Variants in ADAM32 observed in about 807,000 individuals in gnomAD.
ADAM32 encodes ADAM metallopeptidase domain 32.
In ADAM32, 89 loss-of-function variants were observed where a neutral mutation model predicts 114.9. The ratio of observed to expected loss-of-function variants is 0.77; its 90% CI spans 0.65 to 0.92. ADAM32 has a LOEUF of 0.92. Ranked by LOEUF, ADAM32 falls within the 40% of genes least tolerant of loss-of-function variation. The pLI is 0.00. For missense variants in ADAM32, 870 were observed against 932.8 expected, an observed-to-expected ratio of 0.93 and a Z score of 0.88; for synonymous variants, 285 against 307.5, an observed-to-expected ratio of 0.93 and a Z score of 0.77.
chr8:39,250,326 G>T (rs1446422152), intron 17 of ADAM32, among the ~76,000 whole-genome samples: 1 of 151,366 alleles, frequency 6.6e-6, no homozygotes, highest in Non-Finnish European at 1.5e-5. Flanking sequence ...CTCAAGCTCA[G>T]AGATCTTTTC....
At chr8:39,164,934 A>T (rs1804734641) in intron 8 of ADAM32, 96 bp from the exon 9 acceptor site, 5 of 1,488,134 alleles carry the variant, frequency 3.4e-6, no homozygotes, top group Non-Finnish European at 4.6e-6. Context: ...CCACCCATAT[A>T]AACTGAGTGT....
intron 19 of ADAM32, among the ~76,000 whole-genome samples, chr8:39,267,988 G>A (rs551215153): frequency 6.6e-6 from 1 of 152,228 alleles, no homozygotes; most frequent in East Asian, 1.9e-4. Flanking sequence ...TTGAAAGCAG[G>A]GTACAAAGGA....
In ADAM32 at chr8:39,205,717, G is replaced by A. The variant is rs563105184; in HGVS notation, c.1053-5427G>A. Among the ~76,000 whole-genome samples, 3 of 152,326 alleles carry A rather than the reference G, an allele frequency of 2.0e-5. No homozygotes were observed. The East Asian group carries it at 5.8e-4, about 29-fold the overall frequency. ...ATCACCCATCTTCTGCGTTGCTCAG[G>A]CTGTGAGCTGTAGACTGGAGCTGTT... On this transcript the variant is annotated intron_variant, in intron 11 of 24. Transcript: ENST00000379907.
chr8:39,188,484 G>A (rs1013046589), intron 11 of ADAM32, among the ~76,000 whole-genome samples: 1 of 152,014 alleles, frequency 6.6e-6, no homozygotes, highest in African/African-American at 2.4e-5. Context: ...AAGTATGCTA[G>A]GACAATGTTT....
intron 12 of ADAM32, among the ~76,000 whole-genome samples, chr8:39,218,574 A>G (rs1349589985): frequency 6.6e-6 from 1 of 151,916 alleles, no homozygotes; most frequent in East Asian, 1.9e-4. Flanking sequence ...TGGCATTCCA[A>G]CCACTTGACA....
chr8:39,181,241 C>T (rs999117913), intron 10 of ADAM32, among the ~76,000 whole-genome samples: 5 of 152,194 alleles, frequency 3.3e-5, no homozygotes, highest in African/African-American at 4.8e-5. Context: ...ACACTCACCA[C>T]GAAGATCTGC....
upstream of ADAM32, chr8:39,107,655 C>A (rs1235734430): frequency 2.0e-6 from 3 of 1,508,310 alleles, no homozygotes; most frequent in Non-Finnish European, 1.8e-6. Flanking sequence ...GTCTCCGGGG[C>A]CTCCGGAGAA....
At chr8:39,227,402 A>G (rs1488478530) in intron 14 of ADAM32, among the ~76,000 whole-genome samples, 1 of 152,140 alleles carries the variant, frequency 6.6e-6, no homozygotes, top group Non-Finnish European at 1.5e-5. Flanking sequence ...CCTGCCTGGC[A>G]CCACAGGGAT....
In ADAM32 at chr8:39,107,850, C is replaced by G; in HGVS notation, c.58+17C>G. 1.3e-6 allele frequency: 2 copies of G among 1,530,924 alleles called. No homozygotes were observed. The highest frequency in any genetic ancestry group is 4.2e-5 in the Admixed American group (2 of 47,784). 94.8% of individuals were successfully genotyped at this position (1,530,924 alleles called of 1,614,324 possible). Reference sequence around the variant, plus strand: ...CAAGACCCGGTGAGCCAGCCCAGACCCTGACACTAGTCCGGGCGCTCGTCA... The same window carrying G: ...CAAGACCCGGTGAGCCAGCCCAGACGCTGACACTAGTCCGGGCGCTCGTCA... On this transcript the variant is annotated intron_variant, in intron 1 of 24. Coordinates refer to ENST00000379907, the MANE Select transcript of ADAM32 (RefSeq NM_145004.7).
chr8:39,112,449 G>T (rs896485153), intron 1 of ADAM32, among the ~76,000 whole-genome samples: 5 of 152,002 alleles, frequency 3.3e-5, no homozygotes, highest in Non-Finnish European at 7.4e-5. Context: ...CCGTATTAAG[G>T]CTTCCCTTGG....
At chr8:39,139,161 C>G (rs1472934943) in intron 3 of ADAM32, among the ~76,000 whole-genome samples, 1 of 152,170 alleles carries the variant, frequency 6.6e-6, no homozygotes, top group Non-Finnish European at 1.5e-5. Flanking sequence ...TTTTGGTGTG[C>G]AGAAGCTCTT....
In ADAM32 at chr8:39,211,341, G is replaced by T; in HGVS notation, c.1233+17G>T. The T allele has an allele frequency of 6.9e-7, 1 of 1,440,830 alleles. No homozygotes were observed. Among genetic ancestry groups the T allele is most frequent in the East Asian group, 2.7e-5 (1 of 37,286 alleles). The allele number at this position is 1,440,830 out of a possible 1,614,324, so 89.3% of individuals were successfully genotyped here. A position where few individuals can be genotyped will look rare whatever the true frequency, so the allele number is the denominator to read the frequency against. The stretch of plus-strand genomic sequence containing the variant: ...ACTGAGGCTGTAAGTATGATAACTA[G>T]GAAAATTGATTAATAAATTTATTGT... On this transcript the variant is annotated intron_variant, in intron 12 of 24. Transcript: ENST00000379907.
At chr8:39,123,162 T>A (rs1801888034) in intron 2 of ADAM32, among the ~76,000 whole-genome samples, 1 of 152,142 alleles carries the variant, frequency 6.6e-6, no homozygotes, top group South Asian at 2.1e-4. Context: ...TAAATAAAAA[T>A]GTAAAGGTTT....
At chr8:39,146,024 G>A (rs992655490) in intron 3 of ADAM32, among the ~76,000 whole-genome samples, 1 of 152,068 alleles carries the variant, frequency 6.6e-6, no homozygotes, top group East Asian at 1.9e-4. Flanking sequence ...GAGCCACCCC[G>A]CCTGGCTGCT....
chr8:39,161,098 G>A (rs1804482048), intron 7 of ADAM32, 133 bp downstream of exon 7: 1 of 788,850 alleles, frequency 1.3e-6, no homozygotes, highest in Admixed American at 3.7e-5. Flanking sequence ...GGAAAAATGT[G>A]CAAACTGAGA....
intron 10 of ADAM32, among the ~76,000 whole-genome samples, chr8:39,181,411 A>G (rs1805883441): frequency 6.6e-6 from 1 of 152,156 alleles, no homozygotes; most frequent in Admixed American, 6.5e-5. Flanking sequence ...AACTCTGAAC[A>G]CATCCAAACG....
chr8:39,236,500 T>C (rs1314669961), intron 16 of ADAM32, among the ~76,000 whole-genome samples: 1 of 152,164 alleles, frequency 6.6e-6, no homozygotes, highest in Non-Finnish European at 1.5e-5. Flanking sequence ...AAATATACTT[T>C]ACATTTTAGT....
rs371061585 is a variant in ADAM32, at chr8:39,169,910, A to G, written c.834-6A>G. 5 of 1,533,566 alleles carry G rather than the reference A, an allele frequency of 3.3e-6. No homozygotes were observed. The highest frequency in any genetic ancestry group is 4.5e-6 in the Non-Finnish European group (5 of 1,122,266). The allele number at this position is 1,533,566 out of a possible 1,614,324, so 95.0% of individuals were successfully genotyped here. On this transcript the variant is annotated splice_polypyrimidine_tract_variant and splice_region_variant and intron_variant, in intron 9 of 24. Coordinates refer to ENST00000379907, the MANE Select transcript of ADAM32 (RefSeq NM_145004.7). ...ATCAATTATAAATGTAAATTTATTT[A>G]TTTAGTTATATGGATTATCCTCGTT... is the stretch of plus-strand genomic sequence containing the variant.
At position 39,173,881 on chromosome 8, in the gene ADAM32, G is replaced by C. The variant is rs1805349353; in HGVS notation, c.915+3884G>C. On this transcript the variant is annotated intron_variant, in intron 10 of 24. Transcript: ENST00000379907. The stretch of plus-strand genomic sequence containing the variant: ...ACTCTGTAGCCCAGGCTGGAGTGCA[G>C]TGGCACAATCTAGGCTCACTGCAAC... Among the ~76,000 whole-genome samples, 2 of 152,104 alleles carry C rather than the reference G, an allele frequency of 1.3e-5. 1 individual carries two copies. The highest frequency in any genetic ancestry group is 4.1e-4 in the South Asian group (2 of 4,828).
Sources: gnomAD v4.1 joint callset for allele counts (sites outside exome capture counted in the v4.1 genomes callset) on GRCh38, gnomAD v4.1.1 for gene constraint, MANE v1.5 for transcripts, NCBI Gene and HGNC (gene_info 2026-07-23, HGNC 2026-07-21) for gene names.